Variants in NTRK3 observed in about 807,000 individuals in gnomAD.
NTRK3 encodes NT-3 growth factor receptor.
A neutral mutation model predicts 91.7 loss-of-function variants in NTRK3; 24 were observed. The ratio of observed to expected loss-of-function variants is 0.26; its 90% CI spans 0.19 to 0.37. The LOEUF (loss-of-function observed/expected upper bound fraction) is 0.37, where lower values mean the gene tolerates loss of function less well. Ranked by LOEUF, NTRK3 falls within the 10% of genes least tolerant of loss-of-function variation. NTRK3 has a pLI of 1.00. For missense variants in NTRK3, 880 were observed against 1,068.9 expected (o/e 0.82, Z 2.46); for synonymous variants, 483 against 404.0 (o/e 1.20, Z -2.34).
intron 17 of NTRK3, among the ~76,000 whole-genome samples, chr15:87,917,688 G>A (rs916138483): frequency 3.9e-5 from 6 of 152,170 alleles, no homozygotes; most frequent in Non-Finnish European, 7.3e-5. Flanking sequence ...CCATTCTCCA[G>A]GTAGTAAGTG....
intron 5 of NTRK3, among the ~76,000 whole-genome samples, chr15:88,180,927 A>C (rs546509295): frequency 6.6e-6 from 1 of 152,264 alleles, no homozygotes; most frequent in African/African-American, 2.4e-5. Context: ...AAAAGTTAAT[A>C]AATAAAACCC....
At chr15:88,245,783 C>G (rs1489516548) in intron 3 of NTRK3, among the ~76,000 whole-genome samples, 1 of 152,100 alleles carries the variant, frequency 6.6e-6, no homozygotes, top group Non-Finnish European at 1.5e-5. Context: ...AACTGAGGAT[C>G]AACAAGGTCA....
At position 88,094,602 on chromosome 15, in the gene NTRK3, T is replaced by G. The variant is rs577637789; in HGVS notation, c.1396+31669A>C. Among the ~76,000 whole-genome samples the G allele has an allele frequency of 2.0e-4, 30 of 150,692 alleles. 1 individual carries two copies. The highest frequency in any genetic ancestry group is 6.6e-4 in the African/African-American group (27 of 40,892). ...AATGAGATCATACTCATGAAACTCA[T>G]GAAATACTCAGCCTTCTTGGGAAGA... On this transcript the variant is annotated intron_variant, in intron 13 of 18. Coordinates refer to ENST00000394480, the Ensembl canonical transcript of NTRK3.
intron 13 of NTRK3, among the ~76,000 whole-genome samples, chr15:88,058,025 C>T (rs111795422): frequency 6.6e-6 from 1 of 152,210 alleles, no homozygotes; most frequent in Admixed American, 6.5e-5. Context: ...CCAGAAGCCA[C>T]GGGGTGACAA....
rs1233401690 is a variant in NTRK3, at chr15:88,212,247, G to A, written c.249-27948C>T. Among the ~76,000 whole-genome samples, 8 of 152,288 alleles carry A rather than the reference G, an allele frequency of 5.3e-5. No homozygotes were observed. The East Asian group carries it at 1.5e-3, about 29-fold the overall frequency. ...TAGCTGGGCATGGTGGCAGGCGCCTGTAGTCCCAGCTACTTGGGAGGCTGA... is the reference window on the plus strand; with the variant it reads ...TAGCTGGGCATGGTGGCAGGCGCCTATAGTCCCAGCTACTTGGGAGGCTGA... On this transcript the variant is annotated intron_variant, in intron 3 of 18. Coordinates refer to ENST00000394480, the Ensembl canonical transcript of NTRK3.
intron 5 of NTRK3, among the ~76,000 whole-genome samples, chr15:88,164,573 C>T (rs1239754359): frequency 1.3e-5 from 2 of 152,132 alleles, no homozygotes; most frequent in South Asian, 2.1e-4. Context: ...AGATTACCCC[C>T]ATTGTCCCTC....
chr15:88,084,793 G>C (rs1427071466), intron 13 of NTRK3, among the ~76,000 whole-genome samples: 1 of 152,190 alleles, frequency 6.6e-6, no homozygotes, highest in Non-Finnish European at 1.5e-5. Context: ...TTCTCATGCA[G>C]GCAACTCTAC....
intron 3 of NTRK3, among the ~76,000 whole-genome samples, chr15:88,225,605 A>T (rs1426868424): frequency 6.6e-6 from 1 of 152,076 alleles, no homozygotes; most frequent in Non-Finnish European, 1.5e-5. Context: ...TTCTCTCTTG[A>T]TATCTCTGTT....
At chr15:87,967,435 G>A (rs530463880) in intron 14 of NTRK3, among the ~76,000 whole-genome samples, 3 of 152,172 alleles carry the variant, frequency 2.0e-5, no homozygotes, top group South Asian at 2.1e-4. Context: ...AGAGGAAGGA[G>A]GTGCCAGAGT....
intron 3 of NTRK3, among the ~76,000 whole-genome samples, chr15:88,194,524 CTCTA>C (rs1231159794): frequency 2.6e-5 from 4 of 152,230 alleles, no homozygotes; most frequent in African/African-American, 9.6e-5. Context: ...TACCCTTCAA[CTCTA>C]TCTACTTCTT....
chr15:87,913,250 A>T (rs1229493553), intron 17 of NTRK3, among the ~76,000 whole-genome samples: 1 of 152,082 alleles, frequency 6.6e-6, no homozygotes, highest in Non-Finnish European at 1.5e-5. Context: ...TAGCCCCAGT[A>T]AAGCAGATCC....
chr15:88,251,396 C>A (rs1180296464), intron 3 of NTRK3, among the ~76,000 whole-genome samples: 3 of 152,260 alleles, frequency 2.0e-5, no homozygotes, highest in Non-Finnish European at 4.4e-5. Flanking sequence ...GTTGAATTTA[C>A]AGGCTCTGAA....
intron 13 of NTRK3, among the ~76,000 whole-genome samples, chr15:88,122,595 T>C (rs1473161071): frequency 6.6e-6 from 1 of 152,220 alleles, no homozygotes; most frequent in Non-Finnish European, 1.5e-5. Context: ...TCATTTATTC[T>C]AGGTGGAGGG....
exon 19 of NTRK3, chr15:87,877,040 C>G (rs1038601064): frequency 4.3e-6 from 7 of 1,613,916 alleles, no homozygotes; most frequent in Non-Finnish European, 5.9e-6. Flanking sequence ...TCTGCCAGCA[C>G]CCCAGCATGA....
chr15:87,911,770 C>A (rs1415620899), intron 17 of NTRK3, among the ~76,000 whole-genome samples: 1 of 152,160 alleles, frequency 6.6e-6, no homozygotes, highest in African/African-American at 2.4e-5. Context: ...GAGAAGAACA[C>A]CTGTCTCCTG....
At chr15:88,192,412 G>A (rs1257510575) in intron 3 of NTRK3, among the ~76,000 whole-genome samples, 1 of 152,096 alleles carries the variant, frequency 6.6e-6, no homozygotes. Context: ...GGCTGGCACA[G>A]GATGGCAACC....
At chr15:87,922,506 A>G (rs1418602717) in intron 17 of NTRK3, among the ~76,000 whole-genome samples, 1 of 152,166 alleles carries the variant, frequency 6.6e-6, no homozygotes, top group Non-Finnish European at 1.5e-5. Context: ...CATTTCAGTA[A>G]AGTCAATGGG....
chr15:88,209,431 C>T (rs542037717), intron 3 of NTRK3, among the ~76,000 whole-genome samples: 2 of 152,282 alleles, frequency 1.3e-5, no homozygotes, highest in African/African-American at 2.4e-5. Flanking sequence ...GGCTAGGATG[C>T]CCTATCAGTC....
intron 3 of NTRK3, among the ~76,000 whole-genome samples, chr15:88,210,737 T>C (rs960951113): frequency 4.6e-5 from 7 of 152,240 alleles, no homozygotes; most frequent in Non-Finnish European, 7.3e-5. Flanking sequence ...TGAGTTCTTC[T>C]GATTTATTTG....
Sources: allele counts gnomAD v4.1 joint callset (sites outside exome capture counted in the v4.1 genomes callset), GRCh38; gene constraint gnomAD v4.1.1; transcripts MANE v1.5; gene names NCBI Gene and HGNC (gene_info 2026-07-23, HGNC 2026-07-21).